AGPAT4: variants seen among roughly 807,000 people sequenced by gnomAD.
The protein encoded by AGPAT4 is 1-acylglycerol-3-phosphate O-acyltransferase 4, also known as 1-acyl-sn-glycerol-3-phosphate acyltransferase delta.
AGPAT4 carries 15 observed loss-of-function variants against 48.0 expected under a neutral mutation model. The ratio of observed to expected loss-of-function variants is 0.31; its 90% CI spans 0.21 to 0.48. AGPAT4 has a LOEUF of 0.48. AGPAT4 is among the 20% of genes least tolerant of loss of function. The pLI, the probability that AGPAT4 is intolerant of heterozygous loss-of-function variation, is 0.99. For missense variants in AGPAT4, 314 were observed against 482.5 expected, an observed-to-expected ratio of 0.65 and a Z score of 3.27; for synonymous variants, 178 against 198.7, an observed-to-expected ratio of 0.90 and a Z score of 0.88.
At chr6:161,228,604 A>G (rs1205394379) in intron 2 of AGPAT4, among the ~76,000 whole-genome samples, 4 of 119,706 alleles carry the variant, frequency 3.3e-5, no homozygotes, top group Admixed American at 2.8e-4. Flanking sequence ...TAACCCTGAC[A>G]TTAATAGATT....
At chr6:161,228,168 C>G (rs912539969) in intron 2 of AGPAT4, among the ~76,000 whole-genome samples, 1 of 152,212 alleles carries the variant, frequency 6.6e-6, no homozygotes, top group African/African-American at 2.4e-5. Flanking sequence ...GACGGAGTAT[C>G]TCATTCTGCA....
rs1781131358 is a variant in AGPAT4 at position 161,198,535 on chromosome 6, C to G, written c.179-32118G>C. Among the ~76,000 whole-genome samples, 1 of 152,204 alleles carries G rather than the reference C, an allele frequency of 6.6e-6. No homozygotes were observed. Among genetic ancestry groups the G allele is most frequent in the Admixed American group, 6.5e-5 (1 of 15,274 alleles). ...GGCCATGACAGTGAGAAAAATAAAC[C>G]AGGTGGCAAACACTACCTTTATGGT... On this transcript the variant is annotated intron_variant, in intron 2 of 8. Transcript: ENST00000320285. The surrounding 1 kb of genome is among the most constrained non-coding windows in gnomAD (Gnocchi z 4.3).
chr6:161,136,740 G>A, intron 8 of AGPAT4, 106 bp from the exon 9 acceptor site: 1 of 949,930 alleles, frequency 1.1e-6, no homozygotes, highest in Non-Finnish European at 1.7e-6. Context: ...ACAAGCGCCA[G>A]CTCAGAGCTG....
In AGPAT4 at chr6:161,254,568, C is replaced by A. The variant is rs1389558503; in HGVS notation, c.-90+19370G>T. Among the ~76,000 whole-genome samples, 1 of 152,212 alleles carries A rather than the reference C, an allele frequency of 6.6e-6. No homozygotes were observed. The highest frequency in any genetic ancestry group is 1.5e-5 in the Non-Finnish European group (1 of 68,036). ...GCCATGTTCTTTATGTCCTTTCACT[C>A]CTCTGCTTACAGTAAGAAATAACTA... is the stretch of plus-strand genomic sequence containing the variant. On this transcript the variant is annotated intron_variant, in intron 1 of 8. Coordinates refer to ENST00000320285, the MANE Select transcript of AGPAT4 (RefSeq NM_020133.3). This position sits in a 1 kb window ranked among gnomAD's most constrained non-coding sequence, Gnocchi z 5.9.
rs11339502 is a variant in AGPAT4, at chr6:161,190,587, GAA to G, written c.179-24172_179-24171del. 1.1e-3 allele frequency among the ~76,000 whole-genome samples: 149 copies of G among 131,306 alleles called. No homozygotes were observed. In the Middle Eastern group the frequency reaches 0.017, roughly 15 times the overall value. The allele number at this position is 131,306 out of a possible 152,430, so 86.1% of individuals were successfully genotyped here. A position where few individuals can be genotyped will look rare whatever the true frequency, so the allele number is the denominator to read the frequency against. ...AAGCTTTACCCAGAAGAAACCAAGGGAAAAAAAAAAAAAAAAAGATCCTTAGA... is the reference window on the plus strand; with the variant it reads ...AAGCTTTACCCAGAAGAAACCAAGGGAAAAAAAAAAAAAAAGATCCTTAGA... On this transcript the variant is annotated intron_variant, in intron 2 of 8. Transcript: ENST00000320285.
chr6:161,248,462 T>C (rs1782722842), intron 1 of AGPAT4, among the ~76,000 whole-genome samples: 1 of 150,706 alleles, frequency 6.6e-6, no homozygotes, highest in East Asian at 2.0e-4. Context: ...TAGTCCCAGC[T>C]CCTCGTGAGG....
At chr6:161,248,353 T>G (rs1273247721) in intron 1 of AGPAT4, among the ~76,000 whole-genome samples, 1 of 151,820 alleles carries the variant, frequency 6.6e-6, no homozygotes, top group Non-Finnish European at 1.5e-5. Flanking sequence ...GACGGGCGGA[T>G]CATGAGGTCA....
rs1004332965 is a variant in AGPAT4, at chr6:161,198,820, T to C, written c.179-32403A>G. Among the ~76,000 whole-genome samples, 4 of 152,202 alleles carry C rather than the reference T, an allele frequency of 2.6e-5. No individual in the cohort carries two copies. Among genetic ancestry groups the C allele is most frequent in the African/African-American group, 9.6e-5 (4 of 41,458 alleles). On this transcript the variant is annotated intron_variant, in intron 2 of 8. Transcript: ENST00000320285. The surrounding 1 kb of genome is among the most constrained non-coding windows in gnomAD (Gnocchi z 4.3). Reference sequence around the variant, plus strand: ...AACTGACCTGGAACGTATATGTTGTTTCGAGTAAAGACAAAATTACATAGC... The same window carrying C: ...AACTGACCTGGAACGTATATGTTGTCTCGAGTAAAGACAAAATTACATAGC...
Position 161,216,459 on chromosome 6 carries a change from T to G in AGPAT4, c.178+15577A>C, listed in dbSNP as rs748198834. Among the ~76,000 whole-genome samples the G allele has an allele frequency of 8.5e-5, 13 of 152,120 alleles. No individual in the cohort carries two copies. Among genetic ancestry groups the G allele is most frequent in the Non-Finnish European group, 1.2e-4 (8 of 68,010 alleles). On this transcript the variant is annotated intron_variant, in intron 2 of 8. Transcript: ENST00000320285. This position sits in a 1 kb window ranked among gnomAD's most constrained non-coding sequence, Gnocchi z 4.8. ...GAAACGCTTCCGGGCAATCGTTCTT[T>G]CCTCATTCTTTCCCAACTTCCTCCC... is the stretch of plus-strand genomic sequence containing the variant.
At chr6:161,227,908 A>C (rs946975381) in intron 2 of AGPAT4, among the ~76,000 whole-genome samples, 1 of 152,156 alleles carries the variant, frequency 6.6e-6, no homozygotes, top group African/African-American at 2.4e-5. Context: ...ACTTCCCAAG[A>C]GGAAAATAAA....
chr6:161,176,687 T>C (rs913468261), intron 2 of AGPAT4, among the ~76,000 whole-genome samples: 2 of 152,212 alleles, frequency 1.3e-5, no homozygotes, highest in Admixed American at 6.5e-5. Flanking sequence ...GTCATTATGA[T>C]GTTAGCTGGT....
At chr6:161,257,945 C>G (rs985427427) in intron 1 of AGPAT4, among the ~76,000 whole-genome samples, 1 of 152,182 alleles carries the variant, frequency 6.6e-6, no homozygotes, top group Non-Finnish European at 1.5e-5. Flanking sequence ...TCTCAACTGA[C>G]TCACCCAGTA....
chr6:161,173,394 G>A (rs560646103), intron 2 of AGPAT4, among the ~76,000 whole-genome samples: 1 of 152,326 alleles, frequency 6.6e-6, no homozygotes, highest in Non-Finnish European at 1.5e-5. Context: ...CTGATGGCCA[G>A]TGATGATGAG....
At position 161,245,136 on chromosome 6, in the gene AGPAT4, G is replaced by A. The variant is rs761417057; in HGVS notation, c.-89-12834C>T. ...ATCGAGAAATTGCGACTCTATTCAT[G>A]GTGGAATAAATAAATGCAGCAGGGG... On this transcript the variant is annotated intron_variant, in intron 1 of 8. Coordinates refer to ENST00000320285, the MANE Select transcript of AGPAT4 (RefSeq NM_020133.3). The surrounding 1 kb of genome is among the most constrained non-coding windows in gnomAD (Gnocchi z 5.2). Among the ~76,000 whole-genome samples the A allele has an allele frequency of 6.6e-6, 1 of 152,242 alleles. No individual in the cohort carries two copies. The highest frequency in any genetic ancestry group is 1.9e-4 in the East Asian group (1 of 5,198).
In AGPAT4 at chr6:161,266,306, C is replaced by T. The variant is rs755095577; in HGVS notation, c.-90+7632G>A. On this transcript the variant is annotated intron_variant, in intron 1 of 8. Coordinates refer to ENST00000320285, the MANE Select transcript of AGPAT4 (RefSeq NM_020133.3). The surrounding 1 kb of genome is among the most constrained non-coding windows in gnomAD (Gnocchi z 6.2). ...CCTGGCCAGGAGGCCAGCGATGAGG[C>T]AACCCTGATGACCTGACTTCTTGTG... 1.6e-4 allele frequency among the ~76,000 whole-genome samples: 25 copies of T among 152,218 alleles called. No homozygotes were observed. Among genetic ancestry groups the T allele is most frequent in the Non-Finnish European group, 1.5e-4 (10 of 68,038 alleles).
At chr6:161,186,418 G>T (rs969077093) in intron 2 of AGPAT4, among the ~76,000 whole-genome samples, 4 of 152,070 alleles carry the variant, frequency 2.6e-5, no homozygotes, top group Non-Finnish European at 5.9e-5. Context: ...AGCAACTCGT[G>T]TTCCTGTGCA....
chr6:161,149,777 A>C lies in AGPAT4; in HGVS notation c.665-488T>G, dbSNP rs1463247003. 1.3e-5 allele frequency among the ~76,000 whole-genome samples: 2 copies of C among 152,134 alleles called. No homozygotes were observed. The highest frequency in any genetic ancestry group is 2.9e-5 in the Non-Finnish European group (2 of 68,024). ...GACTGGTCTTGAACTCCTGACCTCA[A>C]GTGCTCTGCCCGCCTCAGCCTCCCA... On this transcript the variant is annotated intron_variant, in intron 5 of 8. Coordinates refer to ENST00000320285, the MANE Select transcript of AGPAT4 (RefSeq NM_020133.3). This position sits in a 1 kb window ranked among gnomAD's most constrained non-coding sequence, Gnocchi z 6.5.
rs1390860448 is a variant in AGPAT4, at chr6:161,201,466, T to C, written c.178+30570A>G. The stretch of plus-strand genomic sequence containing the variant: ...AAAAACCAGGAGAAATGGTTTTCTG[T>C]TCTTTAATTAGTTACTTCTGGTTTT... On this transcript the variant is annotated intron_variant, in intron 2 of 8. Coordinates refer to ENST00000320285, the MANE Select transcript of AGPAT4 (RefSeq NM_020133.3). The surrounding 1 kb of genome is among the most constrained non-coding windows in gnomAD (Gnocchi z 6.0). Among the ~76,000 whole-genome samples, 1 of 152,194 alleles carries C rather than the reference T, an allele frequency of 6.6e-6. No homozygotes were observed. Among genetic ancestry groups the C allele is most frequent in the African/African-American group, 2.4e-5 (1 of 41,454 alleles).
Position 161,270,147 on chromosome 6 carries a change from T to G in AGPAT4, c.-90+3791A>C, listed in dbSNP as rs1783381468. On this transcript the variant is annotated intron_variant, in intron 1 of 8. Coordinates refer to ENST00000320285, the MANE Select transcript of AGPAT4 (RefSeq NM_020133.3). The surrounding 1 kb of genome is among the most constrained non-coding windows in gnomAD (Gnocchi z 5.3). ...AAACCCATTTGAAAACTATAACTAT[T>G]TAAACTGTATCTTGTTTTGCTCACA... 6.6e-6 allele frequency among the ~76,000 whole-genome samples: 1 copy of G among 152,222 alleles called. No homozygotes were observed. The highest frequency in any genetic ancestry group is 1.5e-5 in the Non-Finnish European group (1 of 68,042).
Sources: allele counts gnomAD v4.1 joint callset (sites outside exome capture counted in the v4.1 genomes callset), GRCh38; gene constraint gnomAD v4.1.1; non-coding constraint Gnocchi (gnomAD v3.1); transcripts MANE v1.5; gene names NCBI Gene and HGNC (gene_info 2026-07-23, HGNC 2026-07-21).